The following DHX29 variants were observed in gnomAD, a reference collection of about 807,000 sequenced individuals.
The protein encoded by DHX29 is ATP-dependent RNA helicase DHX29.
DHX29 carries 79 observed loss-of-function variants against 167.9 expected under a neutral mutation model. That is an observed-to-expected ratio of 0.47 (90% CI 0.39 to 0.57). DHX29 has a LOEUF of 0.57. DHX29 is among the 20% of genes least tolerant of loss of function. DHX29 has a pLI of 0.00. For synonymous variants in DHX29, 530 were observed against 546.0 expected (o/e 0.97, Z 0.41); for missense variants, 1,347 against 1,593.4 (o/e 0.85, Z 2.63).
intron 1 of DHX29, among the ~76,000 whole-genome samples, chr5:55,299,130 G>C (rs1748476756): frequency 6.6e-6 from 1 of 151,030 alleles, no homozygotes; most frequent in South Asian, 2.1e-4. Context: ...CAATCTAGTA[G>C]CTAGCAATAT....
chr5:55,256,346 C>T lies in DHX29; in HGVS notation c.*142G>A, dbSNP rs1049933930. 1 of 596,826 alleles carries T rather than the reference C, an allele frequency of 1.7e-6. No individual in the cohort carries two copies. Among genetic ancestry groups the T allele is most frequent in the East Asian group, 3.3e-5 (1 of 30,138 alleles). 37.0% of individuals were successfully genotyped at this position (596,826 alleles called of 1,614,324 possible). On this transcript the variant is annotated 3_prime_UTR_variant, in exon 27 of 27. Transcript: ENST00000251636. ...AAATTATACATGTTTAAAGTATGTG[C>T]TTTTTTCCCACCACCTTTAAGTTAA...
At chr5:55,274,471 G>C (rs1257592234) in intron 16 of DHX29, 143 bp downstream of exon 16, 1 of 576,308 alleles carries the variant, frequency 1.7e-6, no homozygotes, top group African/African-American at 1.9e-5. Flanking sequence ...TAATGGAAGT[G>C]TTTAAAGAAA....
At chr5:55,277,348 C>T in intron 12 of DHX29, 66 bp from the exon 13 acceptor site, 1 of 1,035,476 alleles carries the variant, frequency 9.7e-7, no homozygotes, top group Non-Finnish European at 1.4e-6. Flanking sequence ...GAGGCTTGAA[C>T]AATCAGACAC....
In DHX29 at chr5:55,276,375, G is replaced by T; in HGVS notation, c.2318C>A (p.Thr773Lys). Residue 773 changes from threonine (T) to lysine (K), a missense_variant, in exon 14 of 27, where the codon ACA (threonine) becomes AAA (lysine). Around this residue, in one of 3 missense-constraint regions of DHX29, gnomAD observed 882 missense variants for 1,082.4 expected, o/e 0.81. Coordinates refer to ENST00000251636, the MANE Select transcript of DHX29 (RefSeq NM_019030.4). ...TGAGTCTTTTTCCAGTACAAAGCCT[G>T]TTTCTTCTATTATATCTTCAAGATG... is the stretch of plus-strand genomic sequence containing the variant. ...VFHLEDIIEE[T>K]GFVLEKDSEY... 1 of 1,596,058 alleles carries T rather than the reference G, an allele frequency of 6.3e-7. No individual in the cohort carries two copies. Among genetic ancestry groups the T allele is most frequent in the Non-Finnish European group, 8.5e-7 (1 of 1,173,976 alleles).
At position 55,261,514 on chromosome 5, in the gene DHX29, G is replaced by A; in HGVS notation, c.3829-15C>T. On this transcript the variant is annotated splice_polypyrimidine_tract_variant and intron_variant, in intron 24 of 26. Coordinates refer to ENST00000251636, the MANE Select transcript of DHX29 (RefSeq NM_019030.4). ...GCATACCTTATCTACATGGGAAAAA[G>A]GGGGGAAAATAACTTCAAAATATAA... 2 of 1,498,288 alleles carry A rather than the reference G, an allele frequency of 1.3e-6. No homozygotes were observed. The highest frequency in any genetic ancestry group is 9.1e-7 in the Non-Finnish European group (1 of 1,096,066). The allele number at this position is 1,498,288 out of a possible 1,614,324, so 92.8% of individuals were successfully genotyped here.
At chr5:55,266,318 T>G (rs1309193006) in intron 23 of DHX29, among the ~76,000 whole-genome samples, 2 of 151,182 alleles carry the variant, frequency 1.3e-5, no homozygotes, top group African/African-American at 2.4e-5. Flanking sequence ...TTGTTTTTTT[T>G]TTTTTTTTGA....
rs1168476888 is a variant in DHX29, at chr5:55,275,139, GT to G, written c.2428-130del. The G allele has an allele frequency of 1.5e-5, 16 of 1,077,680 alleles. No homozygotes were observed. The African/African-American group carries it at 2.6e-4, about 17-fold the overall frequency. 66.8% of individuals were successfully genotyped at this position (1,077,680 alleles called of 1,614,324 possible). ...TTCTCATTGTCACCATTACTATTTT[GT>G]TAAAATACAGGAAGCGTATACTTTT... On this transcript the variant is annotated intron_variant, in intron 14 of 26. Coordinates refer to ENST00000251636, the MANE Select transcript of DHX29 (RefSeq NM_019030.4).
rs993079584 is a variant in DHX29, at chr5:55,286,324, G to T, written c.1067-463C>A. On this transcript the variant is annotated intron_variant, in intron 8 of 26. Transcript: ENST00000251636. ...CTTGATTTTCTTCTATGTGACATAAGGAAATCCTCTTAATGGATAGAACCC... is the reference window on the plus strand; with the variant it reads ...CTTGATTTTCTTCTATGTGACATAATGAAATCCTCTTAATGGATAGAACCC... Among the ~76,000 whole-genome samples the T allele has an allele frequency of 4.6e-5, 7 of 151,724 alleles. 1 individual carries two copies. The highest frequency in any genetic ancestry group is 6.8e-3 in the Middle Eastern group (2 of 292).
In DHX29 at chr5:55,281,461, T is replaced by G; in HGVS notation, c.2020A>C (p.Arg674=). 9 of 1,597,270 alleles carry G rather than the reference T, an allele frequency of 5.6e-6. No individual in the cohort carries two copies. Among genetic ancestry groups the G allele is most frequent in the Non-Finnish European group, 7.7e-6 (9 of 1,171,830 alleles). The change falls in exon 12 of 27, where the codon AGG becomes CGG. Residue 674 remains arginine (R), a synonymous_variant. Coordinates refer to ENST00000251636, the MANE Select transcript of DHX29 (RefSeq NM_019030.4). The stretch of plus-strand genomic sequence containing the variant: ...ACCCCTGTTGTACAATAGAGTAACC[T>G]GGTAGATTCACAAGCTCGAGATTCC... ...RMESRACEST[R]LLYCTTGVLL...
Position 55,272,164 on chromosome 5 carries a change from TG to T in DHX29, c.2786del (p.Ala929GlufsTer17). 1 of 1,572,530 alleles carries T rather than the reference TG, an allele frequency of 6.4e-7. No homozygotes were observed. ...TGATACCCGTCTCTGCAATATTGGT[TG>T]CTAAAACAATCTGAAAATAAACAAA... ...PPPGVRKIVL[A>X]TNIAETGITI... is the part of the protein sequence containing the mutation. On this transcript the variant is annotated frameshift_variant, in exon 18 of 27. Transcript: ENST00000251636. LOFTEE classifies it high-confidence loss of function.
Position 55,276,289 on chromosome 5 carries a change from C to T in DHX29, c.2404G>A (p.Ala802Thr), listed in dbSNP as rs1188429132. 6.3e-7 allele frequency: 1 copy of T among 1,586,224 alleles called. No homozygotes were observed. Among genetic ancestry groups the T allele is most frequent in the African/African-American group, 1.4e-5 (1 of 72,748 alleles). The change falls in exon 14 of 27, where the codon GCA (alanine) becomes ACA (threonine). Residue 802 changes from alanine (A) to threonine (T), a missense_variant. Coordinates refer to ENST00000251636, the MANE Select transcript of DHX29 (RefSeq NM_019030.4). Reference sequence around the variant, plus strand: ...ACCTGATATTTTTTTATTCCCCCTGCTTTGCTTGTAACATTAATGGTTACT... The same window carrying T: ...ACCTGATATTTTTTTATTCCCCCTGTTTTGCTTGTAACATTAATGGTTACT... Reference protein sequence around the residue: ...EEVTINVTSKAGGIKKYQEYI... With the variant: ...EEVTINVTSKTGGIKKYQEYI...
chr5:55,300,015 TG>T (rs1190083625), intron 1 of DHX29, among the ~76,000 whole-genome samples: 2 of 152,356 alleles, frequency 1.3e-5, no homozygotes, highest in East Asian at 3.9e-4. Flanking sequence ...ATGTGGGTTA[TG>T]TCTATTGATA....
chr5:55,276,732 A>G (rs973859746), intron 13 of DHX29, among the ~76,000 whole-genome samples: 2 of 152,156 alleles, frequency 1.3e-5, no homozygotes, highest in Non-Finnish European at 2.9e-5. Flanking sequence ...AGACAACCCT[A>G]AATTTGAGGG....
At chr5:55,261,670 A>G (rs746245817) in intron 24 of DHX29, among the ~76,000 whole-genome samples, 171 bp from the exon 25 acceptor site, 3 of 152,192 alleles carry the variant, frequency 2.0e-5, no homozygotes, top group Non-Finnish European at 2.9e-5. Context: ...CAATTTTATA[A>G]TAATTACTAT....
In DHX29 at chr5:55,274,699, C is replaced by T; in HGVS notation, c.2605G>A (p.Ala869Thr). The T allele has an allele frequency of 6.3e-7, 1 of 1,597,056 alleles. No individual in the cohort carries two copies. Among genetic ancestry groups the T allele is most frequent in the Non-Finnish European group, 8.5e-7 (1 of 1,174,812 alleles). ...AGTCCTGGTAAAAAGATCAATACTG[C>T]TCCTTCAATATTTCTGAATTGGGGA... ...KSPQFRNIEG[A>T]VLIFLPGLAH... is the part of the protein sequence containing the mutation. The change falls in exon 16 of 27, where the codon GCA becomes ACA. Residue 869 changes from alanine to threonine, a missense_variant. By Grantham distance (58) the Ala-to-Thr change is moderately conservative (BLOSUM62 0). Coordinates refer to ENST00000251636, the MANE Select transcript of DHX29 (RefSeq NM_019030.4).
chr5:55,298,009 A>G (rs1748407043), intron 2 of DHX29, among the ~76,000 whole-genome samples: 1 of 152,228 alleles, frequency 6.6e-6, no homozygotes, highest in East Asian at 1.9e-4. Context: ...AAGCACAAAA[A>G]TATAATTCAG....
intron 23 of DHX29, among the ~76,000 whole-genome samples, chr5:55,263,582 A>G (rs12515617): frequency 0.06 from 9,146 of 151,792 alleles, 484 homozygotes; most frequent in Admixed American, 0.12. Flanking sequence ...TGATTCTAGG[A>G]GAGAAAAGAC....
At position 55,296,223 on chromosome 5, in the gene DHX29, C is replaced by A; in HGVS notation, c.502G>T (p.Asp168Tyr). Residue 168 changes from aspartate to tyrosine, a missense_variant, in exon 4 of 27, where the codon GAT becomes TAT. By Grantham distance (160) the Asp-to-Tyr change is radical. Coordinates refer to ENST00000251636, the MANE Select transcript of DHX29 (RefSeq NM_019030.4). ...ALDWLCLNLS[D>Y]DALPEGFSQE... ...AGAATTTAATGATATTGTTTACCAT[C>A]TGAAAGGTTTAAACAGAGCCAATCC... 1 of 1,606,208 alleles carries A rather than the reference C, an allele frequency of 6.2e-7. No individual in the cohort carries two copies. Among genetic ancestry groups the A allele is most frequent in the Non-Finnish European group, 8.5e-7 (1 of 1,177,304 alleles).
chr5:55,273,316 G>T lies in DHX29; in HGVS notation c.2752C>A (p.Leu918Ile), dbSNP rs1389917405. The change falls in exon 17 of 27, where the codon CTT (leucine) becomes ATT (isoleucine). Residue 918 changes from leucine to isoleucine, a missense_variant. Physicochemically the swap from Leu to Ile is conservative, Grantham distance 5. This residue lies in a region of DHX29 where 882 missense variants were observed against 1,082.4 expected (regional missense o/e 0.81). Transcript: ENST00000251636. Reference sequence around the variant, plus strand: ...ACCTTCCTGACTCCTGGAGGGGGAAGTGTGAATGCTGCAGCTTGATCTTGG... The same window carrying T: ...ACCTTCCTGACTCCTGGAGGGGGAATTGTGAATGCTGCAGCTTGATCTTGG... ...STQDQAAAFT[L>I]PPPGVRKIVL... 1 of 1,599,234 alleles carries T rather than the reference G, an allele frequency of 6.3e-7. No homozygotes were observed. The highest frequency in any genetic ancestry group is 8.5e-7 in the Non-Finnish European group (1 of 1,170,300).
Sources: gnomAD v4.1 joint callset for allele counts (sites outside exome capture counted in the v4.1 genomes callset) on GRCh38, gnomAD v4.1.1 for gene constraint, gnomAD v4.1.1 regional missense constraint, MANE v1.5 for transcripts, NCBI Gene and HGNC (gene_info 2026-07-23, HGNC 2026-07-21) for gene names.